Variants in TRPM4 observed in about 807,000 individuals in gnomAD.
TRPM4 encodes calcium-activated non-selective cation channel 1.
TRPM4 carries 124 observed loss-of-function variants against 135.6 expected under a neutral mutation model. The ratio of observed to expected loss-of-function variants is 0.91; its 90% CI spans 0.79 to 1.06. The LOEUF is 1.06. Among genes scored for constraint, TRPM4 ranks in the 50% least tolerant of loss-of-function variants. The probability of loss-of-function intolerance (pLI) is 0.00; values close to 1 mark genes in which losing one functional copy is unlikely to be tolerated. For missense variants in TRPM4, 1,658 were observed against 1,671.4 expected (o/e 0.99, Z 0.14); for synonymous variants, 745 against 705.6 (o/e 1.06, Z -0.88).
At chr19:49,199,427 T>A (rs1968830965) in intron 17 of TRPM4, among the ~76,000 whole-genome samples, 1 of 152,050 alleles carries the variant, frequency 6.6e-6, no homozygotes, top group African/African-American at 2.4e-5. Flanking sequence ...CCCGGCTAAT[T>A]TTTTGTATTT....
In TRPM4 at chr19:49,160,861, G is replaced by T. The variant is rs144589904; in HGVS notation, c.92+2602G>T. On this transcript the variant is annotated intron_variant, in intron 2 of 24. Coordinates refer to ENST00000252826, the MANE Select transcript of TRPM4 (RefSeq NM_017636.4). ...GGGCTTTCGGGACACAGAGAGGAGG[G>T]CATGGGGCAAAGACTCAGGGGGCAG... Among the ~76,000 whole-genome samples the T allele has an allele frequency of 9.2e-3, 1,398 of 152,142 alleles. 11 individuals are homozygous for T. The highest frequency in any genetic ancestry group is 0.016 in the Non-Finnish European group (1,095 of 68,000).
intron 9 of TRPM4, among the ~76,000 whole-genome samples, chr19:49,180,428 CTGTGTGTGTGTGTGTGTGTG>C (rs71919979): frequency 6.9e-4 from 91 of 131,328 alleles, no homozygotes; most frequent in Middle Eastern, 3.6e-3. Flanking sequence ...TCATCATCTG[CTGTGTGTGTGTGTGTGTGTG>C]TGTGTGTGTG....
chr19:49,168,873 G>C, intron 6 of TRPM4, 137 bp downstream of exon 6: 1 of 1,048,550 alleles, frequency 9.5e-7, no homozygotes, highest in Non-Finnish European at 1.4e-6. Context: ...ATTATTCATG[G>C]TTTTAAAAAC....
intron 10 of TRPM4, 48 bp downstream of exon 10, chr19:49,181,509 G>A: frequency 7.9e-7 from 1 of 1,265,160 alleles, no homozygotes; most frequent in Non-Finnish European, 1.1e-6. Context: ...AAGGGACTGT[G>A]CTGTCCTCCC....
chr19:49,175,776 T>C (rs1173439152), intron 9 of TRPM4, among the ~76,000 whole-genome samples: 1 of 150,700 alleles, frequency 6.6e-6, no homozygotes, highest in African/African-American at 2.4e-5. Flanking sequence ...TTCTCCTCCC[T>C]CAGCCTCCCG....
At chr19:49,172,525 C>T (rs532841203) in intron 9 of TRPM4, among the ~76,000 whole-genome samples, 7 of 151,864 alleles carry the variant, frequency 4.6e-5, no homozygotes, top group African/African-American at 1.7e-4. Context: ...TCCACACATC[C>T]ACTGACAATT....
At chr19:49,203,669 A>G (rs959362879) in intron 20 of TRPM4, among the ~76,000 whole-genome samples, 3 of 152,024 alleles carry the variant, frequency 2.0e-5, no homozygotes, top group Admixed American at 6.6e-5. Context: ...TTCTGTCTCT[A>G]TGGATTTAGT....
rs565426012 is a variant in TRPM4, at chr19:49,192,314, T to G, written c.2210+1541T>G. Among the ~76,000 whole-genome samples, 30 of 152,226 alleles carry G rather than the reference T, an allele frequency of 2.0e-4. No homozygotes were observed. In the South Asian group the frequency reaches 5.8e-3, roughly 29 times the overall value. On this transcript the variant is annotated intron_variant, in intron 16 of 24. Transcript: ENST00000252826. ...CCTGCCACCACGCCCAGCTAATTTT[T>G]TTGTATTTTTAGTAGAGACGGGGTT...
chr19:49,168,463 G>T (rs1967319547), intron 5 of TRPM4, 40 bp downstream of exon 5: 1 of 1,613,848 alleles, frequency 6.2e-7, no homozygotes. Flanking sequence ...TGGAGGCCTG[G>T]ACTCCTGGGT....
chr19:49,202,650 G>A (rs1344761670), intron 20 of TRPM4, among the ~76,000 whole-genome samples: 1 of 151,702 alleles, frequency 6.6e-6, no homozygotes. Context: ...GGAGTGTAGT[G>A]GCAAGTTCTC....
chr19:49,166,266 CG>C (rs1381764525), intron 3 of TRPM4, 51 bp downstream of exon 3: 2 of 1,534,232 alleles, frequency 1.3e-6, no homozygotes, highest in African/African-American at 2.7e-5. Flanking sequence ...GCTGCATGCT[CG>C]GGGCTCCAGA....
At chr19:49,209,762 T>C (rs963311552) in intron 20 of TRPM4, among the ~76,000 whole-genome samples, 1 of 148,444 alleles carries the variant, frequency 6.7e-6, no homozygotes, top group Non-Finnish European at 1.5e-5. Flanking sequence ...TTTTTTTTTT[T>C]TTTTGAGATG....
Position 49,200,682 on chromosome 19 carries a change from G to A in TRPM4, c.2850G>A (p.Gly950=), listed in dbSNP as rs763262885. The change falls in exon 19 of 25, where the codon GGG becomes GGA. Residue 950 remains glycine, a synonymous_variant. Transcript: ENST00000252826. ...TAGCCTATGGCGTGGCCACGGAGGGGCTCCTGAGGCCACGGGACAGTGACT... is the reference window on the plus strand; with the variant it reads ...TAGCCTATGGCGTGGCCACGGAGGGACTCCTGAGGCCACGGGACAGTGACT... ...WLVAYGVATE[G]LLRPRDSDFP... is the part of the protein sequence containing the mutation. 6.2e-7 allele frequency: 1 copy of A among 1,614,034 alleles called. No homozygotes were observed. Among genetic ancestry groups the A allele is most frequent in the Non-Finnish European group, 8.5e-7 (1 of 1,180,012 alleles).
chr19:49,180,369 C>T (rs150183394), intron 9 of TRPM4, among the ~76,000 whole-genome samples: 1 of 151,894 alleles, frequency 6.6e-6, no homozygotes, highest in Admixed American at 6.6e-5. Context: ...TCACCTCTTT[C>T]CCTTCACAAT....
In TRPM4 at chr19:49,182,864, C is replaced by T. The variant is rs556495021; in HGVS notation, c.1550C>T (p.Pro517Leu). 24 of 1,609,130 alleles carry T rather than the reference C, an allele frequency of 1.5e-5. No individual in the cohort carries two copies. In the South Asian group the frequency reaches 2.1e-4, roughly 14 times the overall value. The change falls in exon 11 of 25, where the codon CCG (proline) becomes CTG (leucine). Residue 517 changes from proline to leucine, a missense_variant. Physicochemically the swap from Pro to Leu is moderately conservative, Grantham distance 98. Coordinates refer to ENST00000252826, the MANE Select transcript of TRPM4 (RefSeq NM_017636.4). ...ATGCTGCTGGGGAAGATGTGCGCGC[C>T]GAGGTACCCCTCCGGGGGCGCCTGG... ...LRMLLGKMCA[P>L]RYPSGGAWDP... is the part of the protein sequence containing the mutation.
chr19:49,167,091 T>C (rs1327932573), intron 3 of TRPM4, among the ~76,000 whole-genome samples: 4 of 127,928 alleles, frequency 3.1e-5, no homozygotes, highest in South Asian at 2.7e-4. Flanking sequence ...TCTCTGTCCC[T>C]CTCTCTCTGG....
At chr19:49,184,358 A>G (rs1297396479) in intron 12 of TRPM4, among the ~76,000 whole-genome samples, 1 of 147,906 alleles carries the variant, frequency 6.8e-6, no homozygotes, top group African/African-American at 2.5e-5. Context: ...TTTTTTATGA[A>G]TCTACTGTTG....
rs1422383765 is a variant in TRPM4, at chr19:49,188,973, G to C, written c.1901G>C (p.Ser634Thr). ...CTCTTTGGCGAGTGCTATCGCAGCA[G>C]TGAGGTGAGGGCTGCCCGCCTCCTC... Reference protein sequence around the residue: ...VDLFGECYRSSEVRAARLLLR... With the variant: ...VDLFGECYRSTEVRAARLLLR... Residue 634 changes from serine (S) to threonine (T), a missense_variant, in exon 14 of 25, where the codon AGT (serine) becomes ACT (threonine). Coordinates refer to ENST00000252826, the MANE Select transcript of TRPM4 (RefSeq NM_017636.4). The C allele has an allele frequency of 6.2e-7, 1 of 1,614,152 alleles. No homozygotes were observed. Among genetic ancestry groups the C allele is most frequent in the Non-Finnish European group, 8.5e-7 (1 of 1,180,042 alleles).
intron 17 of TRPM4, among the ~76,000 whole-genome samples, chr19:49,197,834 C>T (rs1171208548): frequency 6.6e-6 from 1 of 151,900 alleles, no homozygotes; most frequent in African/African-American, 2.4e-5. Flanking sequence ...AGGCATGCAC[C>T]ACTACACCTA....
Sources: allele counts gnomAD v4.1 joint callset (sites outside exome capture counted in the v4.1 genomes callset), GRCh38; gene constraint gnomAD v4.1.1; transcripts MANE v1.5; gene names NCBI Gene and HGNC (gene_info 2026-07-23, HGNC 2026-07-21).